Variants in SGCZ observed in about 807,000 individuals in gnomAD.
SGCZ encodes zeta-sarcoglycan.
In SGCZ, 40 loss-of-function variants were observed where a neutral mutation model predicts 41.3. The observed-to-expected ratio is 0.97, with a 90% confidence interval of 0.75 to 1.26. The LOEUF (loss-of-function observed/expected upper bound fraction) is 1.26, where lower values mean the gene tolerates loss of function less well. SGCZ is among the 50% of genes most tolerant of loss of function. The pLI is 0.00. For missense variants in SGCZ, 552 were observed against 369.8 expected, an observed-to-expected ratio of 1.49 and a Z score of -4.04; for synonymous variants, 206 against 137.5, an observed-to-expected ratio of 1.50 and a Z score of -3.49.
At chr8:14,438,328 A>T (rs2035141) in intron 2 of SGCZ, among the ~76,000 whole-genome samples, 70,251 of 151,806 alleles carry the variant, frequency 0.46, 16,623 homozygotes, top group African/African-American at 0.53. Context: ...ACAAATTATA[A>T]GTATTACACA....
At chr8:14,379,737 C>T (rs1450009256) in intron 2 of SGCZ, among the ~76,000 whole-genome samples, 1 of 151,604 alleles carries the variant, frequency 6.6e-6, no homozygotes. Context: ...TATATATATA[C>T]ATATATATTT....
chr8:15,167,144 T>G (rs993643113), intron 1 of SGCZ, among the ~76,000 whole-genome samples: 5 of 152,260 alleles, frequency 3.3e-5, no homozygotes, highest in African/African-American at 1.2e-4. Context: ...CCTCTAAAAT[T>G]TGGAAACTAT....
Position 15,005,328 on chromosome 8 carries a change from CTTTTTTTT to C in SGCZ, c.39+232249_39+232256del, listed in dbSNP as rs10603664. The stretch of plus-strand genomic sequence containing the variant: ...CCCCCTCCCCCGTTTTTTTCTTTTT[CTTTTTTTT>C]TTTTTTTTTTTTGACATGGAGTTTC... On this transcript the variant is annotated intron_variant, in intron 1 of 7. Transcript: ENST00000382080. 7.6e-5 allele frequency among the ~76,000 whole-genome samples: 6 copies of C among 78,736 alleles called. No individual in the cohort carries two copies. In the East Asian group the frequency reaches 2.1e-3, roughly 27 times the overall value. 51.7% of individuals were successfully genotyped at this position (78,736 alleles called of 152,430 possible).
chr8:14,592,348 T>C (rs1805267475), intron 1 of SGCZ, among the ~76,000 whole-genome samples: 1 of 152,176 alleles, frequency 6.6e-6, no homozygotes, highest in Non-Finnish European at 1.5e-5. Flanking sequence ...ATTTCAGAGC[T>C]AAAGTTTACA....
chr8:14,442,715 T>C (rs1800307273), intron 2 of SGCZ, among the ~76,000 whole-genome samples: 1 of 152,208 alleles, frequency 6.6e-6, no homozygotes, highest in Admixed American at 6.5e-5. Flanking sequence ...CTCACCCAGT[T>C]TCTCCAACAT....
In SGCZ at chr8:14,463,625, C is replaced by T. The variant is rs546858435; in HGVS notation, c.234+91107G>A. On this transcript the variant is annotated intron_variant, in intron 2 of 7. Coordinates refer to ENST00000382080, the MANE Select transcript of SGCZ (RefSeq NM_139167.4). ...GATACTAAAGGCACAGACAACAAAACAAAACACAGACAAACTGTATTTTGT... is the reference window on the plus strand; with the variant it reads ...GATACTAAAGGCACAGACAACAAAATAAAACACAGACAAACTGTATTTTGT... 3.3e-4 allele frequency among the ~76,000 whole-genome samples: 50 copies of T among 151,652 alleles called. 1 individual carries two copies. Among genetic ancestry groups the T allele is most frequent in the African/African-American group, 1.2e-3 (48 of 41,444 alleles).
Position 14,524,165 on chromosome 8 carries a change from A to T in SGCZ, c.234+30567T>A, listed in dbSNP as rs569501109. 2.0e-5 allele frequency among the ~76,000 whole-genome samples: 3 copies of T among 151,282 alleles called. No homozygotes were observed. In the East Asian group the frequency reaches 5.8e-4, roughly 29 times the overall value. On this transcript the variant is annotated intron_variant, in intron 2 of 7. Transcript: ENST00000382080. ...AGTGATTTTGTACTAAAACCTGATC[A>T]TCTGGGCTAGTATGTTATTGGCTAC...
chr8:14,164,896 G>A, intron 4 of SGCZ, 194 bp from the exon 5 acceptor site: 1 of 651,900 alleles, frequency 1.5e-6, no homozygotes, highest in Non-Finnish European at 2.5e-6. Flanking sequence ...TCTGTGCTAG[G>A]CTGGTTAGGC....
intron 1 of SGCZ, among the ~76,000 whole-genome samples, chr8:15,115,022 G>C (rs1354320945): frequency 2.6e-5 from 4 of 152,098 alleles, no homozygotes; most frequent in Non-Finnish European, 5.9e-5. Context: ...TGGCCATATT[G>C]AAAAACTAAT....
At chr8:15,097,397 C>T (rs1012420282) in intron 1 of SGCZ, among the ~76,000 whole-genome samples, 6 of 151,840 alleles carry the variant, frequency 4.0e-5, no homozygotes, top group African/African-American at 1.5e-4. Flanking sequence ...CTGAGGCAAC[C>T]GCAACTATAG....
intron 1 of SGCZ, among the ~76,000 whole-genome samples, chr8:14,865,734 A>C (rs1420957788): frequency 6.6e-6 from 1 of 152,118 alleles, no homozygotes; most frequent in Non-Finnish European, 1.5e-5. Context: ...TTCTAAAAGG[A>C]GTTGGGAGGC....
At chr8:14,787,645 G>C (rs1352451219) in intron 1 of SGCZ, among the ~76,000 whole-genome samples, 1 of 152,008 alleles carries the variant, frequency 6.6e-6, no homozygotes, top group African/African-American at 2.4e-5. Flanking sequence ...TTGGGAGTTT[G>C]AGACCAGCCT....
chr8:14,126,045 A>G (rs966233110), intron 5 of SGCZ, among the ~76,000 whole-genome samples: 1 of 152,234 alleles, frequency 6.6e-6, no homozygotes, highest in East Asian at 1.9e-4. Context: ...AGGCTAGGCA[A>G]TAACATTCAG....
chr8:14,803,097 G>A (rs532952264), intron 1 of SGCZ, among the ~76,000 whole-genome samples: 4 of 152,086 alleles, frequency 2.6e-5, no homozygotes, highest in Non-Finnish European at 5.9e-5. Context: ...TGGGGCCTCA[G>A]GCAGTCACTG....
intron 1 of SGCZ, among the ~76,000 whole-genome samples, chr8:14,831,794 A>ACACATACATGTATATATGTGTG (rs141371047): frequency 0.025 from 3,840 of 150,912 alleles, 206 homozygotes; most frequent in African/African-American, 0.089. Flanking sequence ...ATATGTGTGT[A>ACACATACATGTATATATGTGTG]CACATACATG....
At chr8:15,144,620 C>A (rs1798988461) in intron 1 of SGCZ, among the ~76,000 whole-genome samples, 2 of 152,184 alleles carry the variant, frequency 1.3e-5, no homozygotes, top group Middle Eastern at 6.8e-3. Context: ...TGCCGCCACA[C>A]CCAGCCAGTA....
rs764187186 is a variant in SGCZ at position 14,190,379 on chromosome 8, G to GTA, written c.425-25678_425-25677insTA. Reference sequence around the variant, plus strand: ...TATGTATGTATGTATGTGTGTGTGTGTGTATATATATATATCAATAAAGTG... The same window carrying GTA: ...TATGTATGTATGTATGTGTGTGTGTGTATGTATATATATATATCAATAAAGTG... On this transcript the variant is annotated intron_variant, in intron 4 of 7. Transcript: ENST00000382080. 4.6e-3 allele frequency among the ~76,000 whole-genome samples: 690 copies of GTA among 150,710 alleles called. 4 individuals are homozygous for GTA. The highest frequency in any genetic ancestry group is 0.015 in the African/African-American group (606 of 40,922).
intron 1 of SGCZ, among the ~76,000 whole-genome samples, chr8:15,101,434 A>G (rs549455192): frequency 1.7e-4 from 26 of 152,298 alleles, no homozygotes; most frequent in African/African-American, 5.8e-4. Context: ...GGCAAAAAAC[A>G]TGAAAAGATG....
At chr8:14,875,941 C>T (rs751054613) in intron 1 of SGCZ, among the ~76,000 whole-genome samples, 1 of 152,146 alleles carries the variant, frequency 6.6e-6, no homozygotes, top group Non-Finnish European at 1.5e-5. Context: ...GAGTAATAAA[C>T]TCTCTCATTC....
Sources: gnomAD v4.1 joint callset for allele counts (sites outside exome capture counted in the v4.1 genomes callset) on GRCh38, gnomAD v4.1.1 for gene constraint, MANE v1.5 for transcripts, NCBI Gene and HGNC (gene_info 2026-07-23, HGNC 2026-07-21) for gene names.